QKI: variants seen among roughly 807,000 people sequenced by gnomAD.
QKI encodes the protein KH domain-containing RNA-binding protein QKI.
In QKI, 10 loss-of-function variants were observed where a neutral mutation model predicts 39.0. The ratio of observed to expected loss-of-function variants is 0.26; its 90% CI spans 0.16 to 0.43. The LOEUF is 0.43. Ranked by LOEUF, QKI falls within the 20% of genes least tolerant of loss-of-function variation. The pLI, the probability that QKI is intolerant of heterozygous loss-of-function variation, is 1.00. For synonymous variants in QKI, 204 were observed against 155.4 expected, an observed-to-expected ratio of 1.31 and a Z score of -2.33; for missense variants, 218 against 428.0, an observed-to-expected ratio of 0.51 and a Z score of 4.33.
At chr6:163,454,429 C>T (rs783139) in intron 1 of QKI, among the ~76,000 whole-genome samples, 143,081 of 152,248 alleles carry the variant, frequency 0.94, 67,274 homozygotes, top group East Asian at 0.98. Context: ...CCCAGTGTAG[C>T]TTGATCTGTT....
rs574628334 is a variant in QKI, at chr6:163,480,805, CAATG to C, written c.402+1916_402+1919del. Among the ~76,000 whole-genome samples the C allele has an allele frequency of 1.1e-4, 17 of 152,224 alleles. No homozygotes were observed. In the South Asian group the frequency reaches 2.5e-3, roughly 22 times the overall value. ...TAATACTAGTTTAATTGCCTATGGA[CAATG>C]AATGAAGTCTTGACAACTGGCAGAT... On this transcript the variant is annotated intron_variant, in intron 3 of 7. Transcript: ENST00000361752.
chr6:163,527,071 G>T (rs1048101779), intron 3 of QKI, among the ~76,000 whole-genome samples: 6 of 152,112 alleles, frequency 3.9e-5, no homozygotes, highest in Non-Finnish European at 8.8e-5. Flanking sequence ...AGTATTTGTT[G>T]AATGCCTGCT....
chr6:163,439,700 G>C (rs1376666505), intron 1 of QKI, among the ~76,000 whole-genome samples: 3 of 144,372 alleles, frequency 2.1e-5, no homozygotes, highest in Admixed American at 1.4e-4. Context: ...CTGTTGCCCA[G>C]GCTGGAGTAC....
chr6:163,513,732 T>C (rs765705667), intron 3 of QKI, among the ~76,000 whole-genome samples: 2 of 152,168 alleles, frequency 1.3e-5, no homozygotes, highest in Non-Finnish European at 2.9e-5. Context: ...TGTCAAGAAA[T>C]GTGAAGCGCC....
At chr6:163,544,879 A>G (rs1472489705) in intron 4 of QKI, among the ~76,000 whole-genome samples, 1 of 152,112 alleles carries the variant, frequency 6.6e-6, no homozygotes, top group Non-Finnish European at 1.5e-5. Flanking sequence ...TTAAGGTACA[A>G]TACATTTTTT....
At chr6:163,527,403 T>C (rs1008794533) in intron 3 of QKI, among the ~76,000 whole-genome samples, 1 of 152,196 alleles carries the variant, frequency 6.6e-6, no homozygotes, top group Non-Finnish European at 1.5e-5. Context: ...ATTGGAACCT[T>C]GGTTTTTGTC....
chr6:163,517,073 CTCTCTCTT>C (rs1353052733), intron 3 of QKI, among the ~76,000 whole-genome samples: 1 of 61,900 alleles, frequency 1.6e-5, no homozygotes, highest in African/African-American at 8.8e-5. Flanking sequence ...CTCTCTCTCT[CTCTCTCTT>C]TCTCTCTCTC....
At chr6:163,496,951 T>C (rs1030502452) in intron 3 of QKI, among the ~76,000 whole-genome samples, 1 of 152,148 alleles carries the variant, frequency 6.6e-6, no homozygotes, top group African/African-American at 2.4e-5. Flanking sequence ...ACTACCACCC[T>C]CACTTAAGGG....
chr6:163,517,059 CTCTCTCTCTCTCTCTCTCTCTT>C (rs953649578), intron 3 of QKI, among the ~76,000 whole-genome samples: 1 of 139,570 alleles, frequency 7.2e-6, no homozygotes, highest in African/African-American at 2.8e-5. Context: ...CACACACTCA[CTCTCTCTCTCTCTCTCTCTCTT>C]TCTCTCTCTC....
At chr6:163,456,442 CT>C (rs1022720066) in intron 2 of QKI, among the ~76,000 whole-genome samples, 18 of 152,106 alleles carry the variant, frequency 1.2e-4, no homozygotes, top group Admixed American at 1.2e-3. Flanking sequence ...AAGATGATGG[CT>C]TTTTGCTAAG....
chr6:163,556,279 G>A (rs868196372), intron 4 of QKI, among the ~76,000 whole-genome samples: 2 of 152,056 alleles, frequency 1.3e-5, no homozygotes, highest in South Asian at 2.1e-4. Flanking sequence ...TTGGGAGGCC[G>A]AGGCGGGTAG....
At chr6:163,466,366 A>T (rs1196176763) in intron 2 of QKI, among the ~76,000 whole-genome samples, 1 of 152,178 alleles carries the variant, frequency 6.6e-6, no homozygotes, top group African/African-American at 2.4e-5. Flanking sequence ...TCAAAATTCC[A>T]TTGGCATTTT....
chr6:163,448,934 A>G (rs1315013108), intron 1 of QKI, among the ~76,000 whole-genome samples: 1 of 152,150 alleles, frequency 6.6e-6, no homozygotes, highest in African/African-American at 2.4e-5. Flanking sequence ...TTTTTACAGA[A>G]GAGATTGTTG....
chr6:163,461,723 A>C (rs1362329459), intron 2 of QKI, among the ~76,000 whole-genome samples: 1 of 152,196 alleles, frequency 6.6e-6, no homozygotes, highest in African/African-American at 2.4e-5. Context: ...TGTTTCTGAT[A>C]AAGATTAAAG....
chr6:163,569,523 T>G, intron 7 of QKI: 1 of 1,251,126 alleles, frequency 8.0e-7, no homozygotes, highest in Non-Finnish European at 1.0e-6. Context: ...TTAAAAATTA[T>G]ACTACTGTTA....
At chr6:163,513,810 A>G (rs757635015) in intron 3 of QKI, among the ~76,000 whole-genome samples, 20 of 152,172 alleles carry the variant, frequency 1.3e-4, no homozygotes, top group Admixed American at 9.8e-4. Flanking sequence ...CAGAAGACCT[A>G]GGACTTCTGA....
chr6:163,528,043 A>T (rs1291397578), intron 3 of QKI, among the ~76,000 whole-genome samples: 1 of 152,182 alleles, frequency 6.6e-6, no homozygotes, highest in Non-Finnish European at 1.5e-5. Flanking sequence ...GAGATCTGTT[A>T]TACCAGATGT....
chr6:163,488,654 TA>T (rs979021727), intron 3 of QKI, among the ~76,000 whole-genome samples: 20 of 152,166 alleles, frequency 1.3e-4, no homozygotes, highest in African/African-American at 3.9e-4. Flanking sequence ...GAGCTCTTAC[TA>T]TTTTGAGGGT....
chr6:163,500,838 T>C (rs1387279449), intron 3 of QKI, among the ~76,000 whole-genome samples: 1 of 152,154 alleles, frequency 6.6e-6, no homozygotes, highest in Admixed American at 6.5e-5. Context: ...TGTGAGCATA[T>C]TTTGCAAAGA....
Sources: allele counts gnomAD v4.1 joint callset (sites outside exome capture counted in the v4.1 genomes callset), GRCh38; gene constraint gnomAD v4.1.1; transcripts MANE v1.5; gene names NCBI Gene and HGNC (gene_info 2026-07-23, HGNC 2026-07-21).